The following TENM4 variants were observed in gnomAD, a reference collection of about 807,000 sequenced individuals.
The protein encoded by TENM4 is teneurin-4.
In TENM4, 82 loss-of-function variants were observed where a neutral mutation model predicts 243.3. The ratio of observed to expected loss-of-function variants is 0.34; its 90% CI spans 0.28 to 0.40. The LOEUF is 0.40. TENM4 is among the 10% of genes least tolerant of loss of function. TENM4 has a pLI of 1.00. For synonymous variants in TENM4, 1,412 were observed against 1,456.3 expected (o/e 0.97, Z 0.69); for missense variants, 3,138 against 3,673.3 (o/e 0.85, Z 3.77).
At position 79,274,975 on chromosome 11, in the gene TENM4, C is replaced by T. The variant is rs185113105; in HGVS notation, c.-265+22513G>A. Among the ~76,000 whole-genome samples the T allele has an allele frequency of 3.2e-4, 48 of 152,210 alleles. 1 individual carries two copies. The East Asian group carries it at 9.1e-3, about 29-fold the overall frequency. On this transcript the variant is annotated intron_variant, in intron 2 of 33. Coordinates refer to ENST00000278550, the MANE Select transcript of TENM4 (RefSeq NM_001098816.3). ...TGCTCAGGGGAATCCTGGAAGCAAC[C>T]CTCCCTCACTTCACCACTTTATCCA...
chr11:78,759,609 C>T (rs1166468214), intron 18 of TENM4, among the ~76,000 whole-genome samples: 1 of 152,210 alleles, frequency 6.6e-6, no homozygotes, highest in Non-Finnish European at 1.5e-5. Flanking sequence ...GATGTCTGCT[C>T]TCTAGTCCTG....
intron 6 of TENM4, among the ~76,000 whole-genome samples, chr11:79,030,472 C>T (rs1201691586): frequency 6.6e-6 from 1 of 152,148 alleles, no homozygotes; most frequent in African/African-American, 2.4e-5. Flanking sequence ...TATCAAAAAG[C>T]TAGAGTCATT....
At chr11:79,382,201 A>G (rs1858018942) in intron 1 of TENM4, among the ~76,000 whole-genome samples, 1 of 152,198 alleles carries the variant, frequency 6.6e-6, no homozygotes, top group Non-Finnish European at 1.5e-5. Flanking sequence ...CTGGCCGGGC[A>G]GCCTTCAGCC....
At chr11:78,726,023 A>T in intron 23 of TENM4, 56 bp downstream of exon 23, 2 of 1,603,660 alleles carry the variant, frequency 1.2e-6, no homozygotes, top group Admixed American at 3.4e-5. Context: ...GGCACAAGGG[A>T]TATGAGACAA....
Position 78,841,805 on chromosome 11 carries a change from C to T in TENM4, c.1681+12299G>A, listed in dbSNP as rs1040701433. 2.6e-5 allele frequency among the ~76,000 whole-genome samples: 4 copies of T among 152,102 alleles called. No homozygotes were observed. The East Asian group carries it at 7.7e-4, about 29-fold the overall frequency. On this transcript the variant is annotated intron_variant, in intron 12 of 33. Coordinates refer to ENST00000278550, the MANE Select transcript of TENM4 (RefSeq NM_001098816.3). Reference sequence around the variant, plus strand: ...AGAAGTAACTGTTTCCACTCTATGCCTCTCATTCACTCCTGAACTCGTGGT... The same window carrying T: ...AGAAGTAACTGTTTCCACTCTATGCTTCTCATTCACTCCTGAACTCGTGGT...
chr11:79,426,486 T>C (rs878898591), intron 1 of TENM4, among the ~76,000 whole-genome samples: 1 of 152,160 alleles, frequency 6.6e-6, no homozygotes, highest in Non-Finnish European at 1.5e-5. Context: ...TGCGATAATA[T>C]AGGCCAAATG....
chr11:79,395,482 A>G, intron 1 of TENM4, among the ~76,000 whole-genome samples: 1 of 152,226 alleles, frequency 6.6e-6, no homozygotes, highest in Middle Eastern at 3.2e-3. Context: ...GACCGGGCAT[A>G]CAGGGTGCTC....
Position 79,069,623 on chromosome 11 carries a change from C to A in TENM4, c.223+99G>T. 3 of 1,426,714 alleles carry A rather than the reference C, an allele frequency of 2.1e-6. No homozygotes were observed. In the East Asian group the frequency reaches 7.5e-5, roughly 36 times the overall value. The allele number at this position is 1,426,714 out of a possible 1,614,324, so 88.4% of individuals were successfully genotyped here. A position where few individuals can be genotyped will look rare whatever the true frequency, so the allele number is the denominator to read the frequency against. ...GCACCCCAACTGGTGTTCCAGCTCA[C>A]CTGTGCCACGCCCACCTGCGCCACG... On this transcript the variant is annotated intron_variant, in intron 5 of 33. Coordinates refer to ENST00000278550, the MANE Select transcript of TENM4 (RefSeq NM_001098816.3).
At chr11:79,206,048 C>A (rs1034302136) in intron 3 of TENM4, among the ~76,000 whole-genome samples, 1 of 152,188 alleles carries the variant, frequency 6.6e-6, no homozygotes, top group African/African-American at 2.4e-5. Context: ...TTATAGGGAG[C>A]AATGAAGCCT....
chr11:78,891,271 C>T lies in TENM4; in HGVS notation c.815G>A (p.Gly272Asp). ...QDNLIEMDIL[G>D]ASRHDGAYSD... Reference sequence around the variant, plus strand: ...GTAAGCCCCATCATGGCGGGAGGCGCCGAGAATGTCCATCTCAATGAGGTT... The same window carrying T: ...GTAAGCCCCATCATGGCGGGAGGCGTCGAGAATGTCCATCTCAATGAGGTT... Residue 272 changes from glycine (G) to aspartate (D), a missense_variant, in exon 8 of 34, where the codon GGC (glycine) becomes GAC (aspartate). By Grantham distance (94) the Gly-to-Asp change is moderately conservative (BLOSUM62 -1). Around this residue, in one of 2 missense-constraint regions of TENM4, gnomAD observed 671 missense variants for 614.1 expected, o/e 1.09. Transcript: ENST00000278550. 1 of 1,551,686 alleles carries T rather than the reference C, an allele frequency of 6.4e-7. No homozygotes were observed. Among genetic ancestry groups the T allele is most frequent in the East Asian group, 2.4e-5 (1 of 40,902 alleles).
At chr11:78,912,478 A>T (rs962396880) in intron 6 of TENM4, among the ~76,000 whole-genome samples, 1 of 152,184 alleles carries the variant, frequency 6.6e-6, no homozygotes, top group Non-Finnish European at 1.5e-5. Flanking sequence ...GCTGGTCTCG[A>T]ACTCCTGACC....
At chr11:79,045,707 A>T (rs1474924417) in intron 6 of TENM4, among the ~76,000 whole-genome samples, 1 of 145,134 alleles carries the variant, frequency 6.9e-6, no homozygotes, top group Non-Finnish European at 1.5e-5. Flanking sequence ...ATTAACAACC[A>T]CTAACTGGAT....
intron 1 of TENM4, among the ~76,000 whole-genome samples, chr11:79,376,008 A>T (rs1447945709): frequency 6.6e-6 from 1 of 152,214 alleles, no homozygotes; most frequent in Non-Finnish European, 1.5e-5. Context: ...ATTCTAAAGG[A>T]AAAGTTGTGT....
intron 19 of TENM4, 95 bp downstream of exon 19, chr11:78,756,710 G>T: frequency 8.2e-7 from 1 of 1,219,176 alleles, no homozygotes; most frequent in Non-Finnish European, 1.2e-6. Context: ...TCACGTTCCT[G>T]GCTTCCTCCC....
intron 12 of TENM4, among the ~76,000 whole-genome samples, chr11:78,825,516 GGCTTTGAGAACCGC>G (rs1443459987): frequency 6.6e-6 from 1 of 152,098 alleles, no homozygotes; most frequent in Non-Finnish European, 1.5e-5. Context: ...CTTGGGCTGG[GGCTTTGAGAACCGC>G]TCGTCTGGAA....
Position 79,001,241 on chromosome 11 carries a change from G to A in TENM4, c.493+63497C>T, listed in dbSNP as rs561096173. On this transcript the variant is annotated intron_variant, in intron 6 of 33. Transcript: ENST00000278550. ...AGCCAGGAGAAATGTCTGCCACTGA[G>A]AGGCTGGGACATCAGGAAGACTGAT... Among the ~76,000 whole-genome samples, 5 of 152,296 alleles carry A rather than the reference G, an allele frequency of 3.3e-5. No individual in the cohort carries two copies. The East Asian group carries it at 7.7e-4, about 24-fold the overall frequency.
At chr11:79,289,819 G>A (rs560813428) in intron 2 of TENM4, among the ~76,000 whole-genome samples, 6 of 152,306 alleles carry the variant, frequency 3.9e-5, no homozygotes, top group African/African-American at 1.2e-4. Flanking sequence ...AAGACTCAAC[G>A]TTAACCAAGG....
chr11:79,435,472 A>AG lies in TENM4; in HGVS notation c.-321+5036dup, dbSNP rs556046751. The stretch of plus-strand genomic sequence containing the variant: ...AGCCAAGCTGATAGACCATGTAAGA[A>AG]GGCAGGTAGAAATCGGCCCCTTAGA... On this transcript the variant is annotated intron_variant, in intron 1 of 33. Coordinates refer to ENST00000278550, the MANE Select transcript of TENM4 (RefSeq NM_001098816.3). Among the ~76,000 whole-genome samples, 536 of 152,344 alleles carry AG rather than the reference A, an allele frequency of 3.5e-3. 1 individual carries two copies. Among genetic ancestry groups the AG allele is most frequent in the African/African-American group, 0.011 (475 of 41,578 alleles).
At chr11:78,922,624 C>T (rs778394775) in intron 6 of TENM4, among the ~76,000 whole-genome samples, 26 of 152,190 alleles carry the variant, frequency 1.7e-4, no homozygotes, top group Non-Finnish European at 3.8e-4. Flanking sequence ...GCATGGTGAT[C>T]CAAAGACTAG....
Sources: allele counts gnomAD v4.1 joint callset (sites outside exome capture counted in the v4.1 genomes callset), GRCh38; gene constraint gnomAD v4.1.1; regional missense constraint gnomAD v4.1.1; transcripts MANE v1.5; gene names NCBI Gene and HGNC (gene_info 2026-07-23, HGNC 2026-07-21).